Variants in KLHL29 observed in about 807,000 individuals in gnomAD.
KLHL29 encodes the protein kelch-like protein 29.
KLHL29 carries 21 observed loss-of-function variants against 80.4 expected under a neutral mutation model. The ratio of observed to expected loss-of-function variants is 0.26; its 90% CI spans 0.19 to 0.38. The LOEUF (loss-of-function observed/expected upper bound fraction) is 0.38, where lower values mean the gene tolerates loss of function less well. Among genes scored for constraint, KLHL29 ranks in the 10% least tolerant of loss-of-function variants. The pLI is 1.00. For synonymous variants in KLHL29, 511 were observed against 526.8 expected (o/e 0.97, Z 0.41); for missense variants, 867 against 1,223.9 (o/e 0.71, Z 4.35).
chr2:23,686,509 C>T (rs890646194), intron 6 of KLHL29, among the ~76,000 whole-genome samples: 2 of 152,036 alleles, frequency 1.3e-5, no homozygotes, highest in Admixed American at 6.5e-5. Context: ...TCTGACACCT[C>T]CGGGGGATGG....
intron 7 of KLHL29, among the ~76,000 whole-genome samples, chr2:23,692,526 T>G (rs1183041552): frequency 6.6e-6 from 1 of 152,056 alleles, no homozygotes; most frequent in Non-Finnish European, 1.5e-5. Context: ...GAGCCCAGCC[T>G]AGAGATGGGG....
At chr2:23,627,978 G>A (rs772858914) in intron 3 of KLHL29, among the ~76,000 whole-genome samples, 26 of 142,096 alleles carry the variant, frequency 1.8e-4, no homozygotes, top group Non-Finnish European at 3.6e-4. Flanking sequence ...CACGATCTCG[G>A]CTCACCGCAA....
chr2:23,396,702 A>G (rs1666459830), intron 1 of KLHL29, among the ~76,000 whole-genome samples: 1 of 152,162 alleles, frequency 6.6e-6, no homozygotes, highest in African/African-American at 2.4e-5. Flanking sequence ...AACTTGAATA[A>G]TATACAGACT....
intron 5 of KLHL29, among the ~76,000 whole-genome samples, chr2:23,670,794 G>A (rs1366323840): frequency 6.6e-6 from 1 of 151,904 alleles, no homozygotes; most frequent in African/African-American, 2.4e-5. Context: ...GGGCCAGGTT[G>A]GGCAGGAGGG....
chr2:23,656,563 C>T (rs1004962378), intron 5 of KLHL29, among the ~76,000 whole-genome samples: 1 of 152,242 alleles, frequency 6.6e-6, no homozygotes, highest in African/African-American at 2.4e-5. Context: ...AGTTCTGCCT[C>T]TTGGGAACAC....
intron 2 of KLHL29, among the ~76,000 whole-genome samples, chr2:23,518,457 C>T (rs562201862): frequency 1.3e-5 from 2 of 152,302 alleles, no homozygotes; most frequent in African/African-American, 2.4e-5. Context: ...AGGAGATGCT[C>T]ACGGATCTCA....
chr2:23,531,922 T>C (rs996369890), intron 2 of KLHL29, among the ~76,000 whole-genome samples: 10 of 152,158 alleles, frequency 6.6e-5, no homozygotes, highest in African/African-American at 2.4e-4. Context: ...CCTGGGACCA[T>C]AGAGATGTGA....
intron 1 of KLHL29, among the ~76,000 whole-genome samples, chr2:23,404,651 G>T (rs1201204848): frequency 6.6e-6 from 1 of 152,218 alleles, no homozygotes; most frequent in Non-Finnish European, 1.5e-5. Flanking sequence ...AGAGTGTTCT[G>T]CAGAGCAGGA....
At chr2:23,493,810 C>A (rs934019333) in intron 2 of KLHL29, among the ~76,000 whole-genome samples, 1 of 152,134 alleles carries the variant, frequency 6.6e-6, no homozygotes, top group African/African-American at 2.4e-5. Context: ...AAATGGAAAA[C>A]ACATTCTGGG....
chr2:23,422,344 C>G (rs1662840172), intron 1 of KLHL29, among the ~76,000 whole-genome samples: 1 of 145,484 alleles, frequency 6.9e-6, no homozygotes, highest in African/African-American at 2.6e-5. Flanking sequence ...CTGTGTATGT[C>G]TTTGTGTGTT....
At chr2:23,524,027 G>T (rs767093029) in intron 2 of KLHL29, 29 of 471,248 alleles carry the variant, frequency 6.2e-5, no homozygotes, top group African/African-American at 4.8e-4. Context: ...ATGTGAATGA[G>T]TTTTTTTTAC....
intron 1 of KLHL29, among the ~76,000 whole-genome samples, chr2:23,395,579 T>C (rs1171039735): frequency 6.6e-6 from 1 of 152,118 alleles, no homozygotes; most frequent in Non-Finnish European, 1.5e-5. Context: ...ACCCGGTCTC[T>C]ACCAAAGCTA....
intron 3 of KLHL29, among the ~76,000 whole-genome samples, chr2:23,637,653 C>T (rs547814220): frequency 1.6e-4 from 25 of 152,234 alleles, no homozygotes; most frequent in African/African-American, 5.5e-4. Flanking sequence ...CGCTGTGTGT[C>T]GTCTGCACTA....
At chr2:23,565,543 C>G (rs916667285) in intron 3 of KLHL29, among the ~76,000 whole-genome samples, 2 of 152,122 alleles carry the variant, frequency 1.3e-5, no homozygotes, top group Non-Finnish European at 2.9e-5. Flanking sequence ...CTAGCGGGCT[C>G]CAGACCGAGA....
intron 3 of KLHL29, among the ~76,000 whole-genome samples, chr2:23,611,892 A>G (rs1355036261): frequency 1.3e-5 from 2 of 152,048 alleles, no homozygotes; most frequent in African/African-American, 4.8e-5. Context: ...ACCAAAAAAA[A>G]AAAAGGATTA....
At chr2:23,441,569 C>T (rs1663525271) in intron 1 of KLHL29, among the ~76,000 whole-genome samples, 1 of 151,990 alleles carries the variant, frequency 6.6e-6, no homozygotes, top group African/African-American at 2.4e-5. Context: ...GCTCAGAATT[C>T]TGCAGTTTGG....
intron 2 of KLHL29, among the ~76,000 whole-genome samples, chr2:23,513,434 C>T (rs1665832490): frequency 1.3e-5 from 2 of 152,182 alleles, no homozygotes; most frequent in African/African-American, 4.8e-5. Context: ...TTCTGAGCCA[C>T]GCCCTCTGTC....
At chr2:23,585,841 T>C (rs906708886) in intron 3 of KLHL29, among the ~76,000 whole-genome samples, 9 of 152,214 alleles carry the variant, frequency 5.9e-5, no homozygotes, top group African/African-American at 2.2e-4. Context: ...TAGCAGACTC[T>C]GCTCCAGAGA....
intron 1 of KLHL29, among the ~76,000 whole-genome samples, chr2:23,393,576 CAG>C: frequency 6.6e-6 from 1 of 152,304 alleles, no homozygotes; most frequent in African/African-American, 2.4e-5. Context: ...CTGGAAATCA[CAG>C]AGGCACTTTG....
Sources: gnomAD v4.1 joint callset for allele counts (sites outside exome capture counted in the v4.1 genomes callset) on GRCh38, gnomAD v4.1.1 for gene constraint, MANE v1.5 for transcripts, NCBI Gene and HGNC (gene_info 2026-07-23, HGNC 2026-07-21) for gene names.